The following PDE4D variants were observed in gnomAD, a reference collection of about 807,000 sequenced individuals.
PDE4D encodes the protein 3',5'-cyclic-AMP phosphodiesterase 4D.
A neutral mutation model predicts 87.4 loss-of-function variants in PDE4D; 24 were observed. The observed-to-expected ratio is 0.27, with a 90% CI of 0.20 to 0.39. The LOEUF is 0.39. Ranked by LOEUF, PDE4D falls within the 10% of genes least tolerant of loss-of-function variation. The pLI, the probability that PDE4D is intolerant of heterozygous loss-of-function variation, is 1.00. For synonymous variants in PDE4D, 384 were observed against 383.2 expected, an observed-to-expected ratio of 1.00 and a Z score of -0.02; for missense variants, 714 against 1,041.0, an observed-to-expected ratio of 0.69 and a Z score of 4.32.
chr5:60,261,956 A>T (rs760181412), intron 1 of PDE4D, among the ~76,000 whole-genome samples: 1 of 152,138 alleles, frequency 6.6e-6, no homozygotes, highest in Non-Finnish European at 1.5e-5. Context: ...TCCCATAACT[A>T]GGCAGTTGAC....
intron 6 of PDE4D, among the ~76,000 whole-genome samples, chr5:59,034,896 T>G (rs1302904660): frequency 2.0e-5 from 3 of 152,262 alleles, no homozygotes; most frequent in African/African-American, 7.2e-5. Flanking sequence ...AAATACATTT[T>G]TATAGTGATA....
At chr5:59,421,752 G>T (rs191177353) in intron 1 of PDE4D, among the ~76,000 whole-genome samples, 1 of 152,122 alleles carries the variant, frequency 6.6e-6, no homozygotes, top group African/African-American at 2.4e-5. Flanking sequence ...GTTGCTGAAA[G>T]AACTTTTTTT....
chr5:59,451,851 A>G (rs1799205288), intron 1 of PDE4D, among the ~76,000 whole-genome samples: 1 of 152,212 alleles, frequency 6.6e-6, no homozygotes, highest in Admixed American at 6.5e-5. Context: ...ATGTCTTCCA[A>G]TGAGCTTGAC....
intron 1 of PDE4D, among the ~76,000 whole-genome samples, chr5:59,831,999 A>G (rs1741325107): frequency 6.6e-6 from 1 of 152,096 alleles, no homozygotes; most frequent in Admixed American, 6.6e-5. Flanking sequence ...ATTCATATAG[A>G]AATACATATC....
intron 1 of PDE4D, among the ~76,000 whole-genome samples, chr5:59,225,842 C>A (rs1561755165): frequency 6.7e-6 from 1 of 149,526 alleles, no homozygotes; most frequent in Non-Finnish European, 1.5e-5. Flanking sequence ...ATTAAAAAAA[C>A]CCAATGAAAG....
At chr5:59,901,109 A>T (rs1181971219) in intron 3 of PDE4D, among the ~76,000 whole-genome samples, 1 of 152,202 alleles carries the variant, frequency 6.6e-6, no homozygotes, top group Admixed American at 6.5e-5. Context: ...ATATGAGGAA[A>T]CTGAAGCTTA....
intron 1 of PDE4D, among the ~76,000 whole-genome samples, chr5:59,743,154 T>C (rs1349025284): frequency 6.6e-6 from 1 of 152,106 alleles, no homozygotes; most frequent in African/African-American, 2.4e-5. Flanking sequence ...AATTTTTTCC[T>C]TATTCTTCAT....
chr5:59,972,039 C>T (rs1365343886), intron 3 of PDE4D, among the ~76,000 whole-genome samples: 3 of 152,184 alleles, frequency 2.0e-5, no homozygotes, highest in African/African-American at 4.8e-5. Flanking sequence ...CACTGCTCTT[C>T]GCCACACTGT....
chr5:59,072,782 A>G (rs1373077821), intron 5 of PDE4D, among the ~76,000 whole-genome samples: 1 of 152,128 alleles, frequency 6.6e-6, no homozygotes, highest in Non-Finnish European at 1.5e-5. Flanking sequence ...GAGTAGTCTG[A>G]ATTTGTCTTT....
At chr5:59,330,155 C>A (rs1036491417) in intron 1 of PDE4D, among the ~76,000 whole-genome samples, 11 of 152,132 alleles carry the variant, frequency 7.2e-5, no homozygotes, top group African/African-American at 2.7e-4. Context: ...CTCAGTCAAG[C>A]ATTACTCTTG....
chr5:58,974,994 A>C lies in PDE4D; in HGVS notation c.2100T>G (p.Thr700=). The change falls in exon 15 of 15, where the codon ACT becomes ACG. Residue 700 remains threonine (T), a synonymous_variant. Transcript: ENST00000340635. ...VHPDAQDILD[T]LEDNREWYQS... is the part of the protein sequence containing the mutation. ...GGTACCATTCACGATTGTCCTCCAA[A>C]GTGTCCAAAATATCCTGGGCGTCAG... 1.2e-6 allele frequency: 2 copies of C among 1,611,412 alleles called. No homozygotes were observed. The highest frequency in any genetic ancestry group is 1.7e-6 in the Non-Finnish European group (2 of 1,178,012).
chr5:60,282,610 C>T (rs962982453), intron 1 of PDE4D, among the ~76,000 whole-genome samples: 4 of 152,230 alleles, frequency 2.6e-5, no homozygotes, highest in South Asian at 2.1e-4. Context: ...TATAAAGACA[C>T]GTTTTGTTGG....
At chr5:59,826,943 T>C (rs1309856781) in intron 1 of PDE4D, among the ~76,000 whole-genome samples, 1 of 152,178 alleles carries the variant, frequency 6.6e-6, no homozygotes, top group South Asian at 2.1e-4. Context: ...TATAGGAATG[T>C]TACAGGTGTC....
rs185969601 is a variant in PDE4D, at chr5:60,425,778, T to C, written c.-90+62164A>G. ...AGAATGGGAGAAAATTTTTGCAATCTACCCATCTGATAAAGTGCTAGTATC... is the reference window on the plus strand; with the variant it reads ...AGAATGGGAGAAAATTTTTGCAATCCACCCATCTGATAAAGTGCTAGTATC... On this transcript the variant is annotated intron_variant, in intron 1 of 16. Transcript: ENST00000502484. Among the ~76,000 whole-genome samples the C allele has an allele frequency of 3.2e-4, 49 of 152,308 alleles. No homozygotes were observed. The East Asian group carries it at 8.7e-3, about 27-fold the overall frequency.
intron 1 of PDE4D, among the ~76,000 whole-genome samples, chr5:59,589,059 C>A (rs936197755): frequency 6.6e-6 from 1 of 152,178 alleles, no homozygotes; most frequent in Non-Finnish European, 1.5e-5. Flanking sequence ...TTAATCCACA[C>A]AACAGCACTA....
intron 1 of PDE4D, among the ~76,000 whole-genome samples, chr5:59,891,341 C>G (rs986740090): frequency 6.6e-6 from 1 of 152,174 alleles, no homozygotes; most frequent in African/African-American, 2.4e-5. Flanking sequence ...GCCCACAGAT[C>G]AAGCTAGAAC....
intron 1 of PDE4D, among the ~76,000 whole-genome samples, chr5:59,817,500 C>T (rs963446440): frequency 4.6e-5 from 7 of 152,134 alleles, no homozygotes; most frequent in African/African-American, 7.2e-5. Context: ...GCGTCCCTCA[C>T]CCCAATTCAT....
chr5:59,093,030 C>G (rs985978165), intron 5 of PDE4D, among the ~76,000 whole-genome samples: 24 of 152,094 alleles, frequency 1.6e-4, no homozygotes, highest in South Asian at 2.1e-4. Flanking sequence ...AACACACCCA[C>G]CCACAAAGGC....
In PDE4D at chr5:60,060,069, C is replaced by A. The variant is rs571865327; in HGVS notation, c.43-71352G>T. 5.3e-5 allele frequency among the ~76,000 whole-genome samples: 8 copies of A among 151,828 alleles called. No homozygotes were observed. In the South Asian group the frequency reaches 1.7e-3, roughly 32 times the overall value. On this transcript the variant is annotated intron_variant, in intron 2 of 16. Coordinates refer to the PDE4D transcript ENST00000502484. Reference sequence around the variant, plus strand: ...GATACACAAATAAAGATAAAATAACCCCAAGTGAAGATAATTTGGAGAAGA... The same window carrying A: ...GATACACAAATAAAGATAAAATAACACCAAGTGAAGATAATTTGGAGAAGA...
Sources: gnomAD v4.1 joint callset for allele counts (sites outside exome capture counted in the v4.1 genomes callset) on GRCh38, gnomAD v4.1.1 for gene constraint, MANE v1.5 for transcripts, NCBI Gene and HGNC (gene_info 2026-07-23, HGNC 2026-07-21) for gene names.